NCOA1: variants seen among roughly 807,000 people sequenced by gnomAD.
The protein encoded by NCOA1 is nuclear receptor coactivator 1.
A neutral mutation model predicts 150.9 loss-of-function variants in NCOA1; 35 were observed. That is an observed-to-expected ratio of 0.23 (90% CI 0.18 to 0.31). NCOA1 has a LOEUF of 0.31. NCOA1 is among the 10% of genes least tolerant of loss of function. NCOA1 has a pLI of 1.00. For missense variants in NCOA1, 1,491 were observed against 1,749.3 expected (o/e 0.85, Z 2.63); for synonymous variants, 590 against 630.0 (o/e 0.94, Z 0.95).
chr2:24,586,229 T>C (rs998610360), intron 3 of NCOA1, among the ~76,000 whole-genome samples: 3 of 137,340 alleles, frequency 2.2e-5, no homozygotes, highest in Admixed American at 8.1e-5. Flanking sequence ...AGAGCCGATA[T>C]CGTGCCACTG....
intron 1 of NCOA1, among the ~76,000 whole-genome samples, chr2:24,557,136 T>G (rs1666103012): frequency 7.6e-6 from 1 of 130,730 alleles, no homozygotes; most frequent in Admixed American, 8.9e-5. Flanking sequence ...GCCTTCAGAC[T>G]TTGCTAAATG....
chr2:24,660,805 A>G (rs1280693388), intron 5 of NCOA1, among the ~76,000 whole-genome samples: 1 of 152,098 alleles, frequency 6.6e-6, no homozygotes, highest in Non-Finnish European at 1.5e-5. Context: ...CACTCCTGTA[A>G]TCCCAGCACT....
Position 24,757,981 on chromosome 2 carries a change from G to C in NCOA1, c.3890G>C (p.Ser1297Thr). The C allele has an allele frequency of 6.2e-7, 1 of 1,613,566 alleles. No homozygotes were observed. The highest frequency in any genetic ancestry group is 8.5e-7 in the Non-Finnish European group (1 of 1,179,748). The change falls in exon 21 of 23, where the codon AGT becomes ACT. Residue 1297 changes from serine to threonine, a missense_variant. By Grantham distance (58) the Ser-to-Thr change is moderately conservative. Coordinates refer to ENST00000348332, the MANE Select transcript of NCOA1 (RefSeq NM_003743.5). ...TGTTTTTGAGTTTACAGTGTGTTCAGTCAAGCTGTCCAGAACCAGCCCACG... is the reference window on the plus strand; with the variant it reads ...TGTTTTTGAGTTTACAGTGTGTTCACTCAAGCTGTCCAGAACCAGCCCACG... ...QGAIGNNNVFSQAVQNQPTPA... is the reference protein window; with the variant it reads ...QGAIGNNNVFTQAVQNQPTPA...
Position 24,579,618 on chromosome 2 carries a change from C to T in NCOA1, c.-259-4858C>T, listed in dbSNP as rs574623037. ...GCCTATAAGTCTGAATCATGTTTCC[C>T]TTAAGAGTTGTCACAGCTTAGTAAG... On this transcript the variant is annotated intron_variant, in intron 2 of 22. Coordinates refer to ENST00000348332, the MANE Select transcript of NCOA1 (RefSeq NM_003743.5). Among the ~76,000 whole-genome samples the T allele has an allele frequency of 3.3e-5, 5 of 152,250 alleles. No individual in the cohort carries two copies. The South Asian group carries it at 1.0e-3, about 32-fold the overall frequency.
At chr2:24,614,332 C>T (rs1429280772) in intron 3 of NCOA1, among the ~76,000 whole-genome samples, 2 of 149,500 alleles carry the variant, frequency 1.3e-5, no homozygotes, top group Admixed American at 6.7e-5. Context: ...ATCCTCCCAC[C>T]TCAACCTCCT....
Position 24,665,912 on chromosome 2 carries a change from C to A in NCOA1, c.253C>A (p.Gln85Lys). ...DQIQLMKRMEQEKSTTDDDVQ... is the reference protein window; with the variant it reads ...DQIQLMKRMEKEKSTTDDDVQ... ...GATACAGCTAATGAAGAGAATGGAA[C>A]AAGGTAAAAAAGAAAAAGAAAACCC... Residue 85 changes from glutamine to lysine, a missense_variant, in exon 6 of 23, where the codon CAA becomes AAA. This residue lies in a region of NCOA1 where 80 missense variants were observed against 163.0 expected (regional missense o/e 0.49). Coordinates refer to ENST00000348332, the MANE Select transcript of NCOA1 (RefSeq NM_003743.5). 1.4e-6 allele frequency: 2 copies of A among 1,454,694 alleles called. No individual in the cohort carries two copies. The highest frequency in any genetic ancestry group is 1.8e-6 in the Non-Finnish European group (2 of 1,098,622). The allele number at this position is 1,454,694 out of a possible 1,614,324, so 90.1% of individuals were successfully genotyped here. A position where few individuals can be genotyped will look rare whatever the true frequency, so the allele number is the denominator to read the frequency against.
chr2:24,558,542 G>A (rs1666171089), intron 1 of NCOA1, among the ~76,000 whole-genome samples: 1 of 152,228 alleles, frequency 6.6e-6, no homozygotes, highest in South Asian at 2.1e-4. Context: ...AATAGCACAG[G>A]AAAGACTGGC....
intron 19 of NCOA1, among the ~76,000 whole-genome samples, chr2:24,745,844 A>C (rs1663889395): frequency 6.6e-6 from 1 of 152,222 alleles, no homozygotes; most frequent in Non-Finnish European, 1.5e-5. Context: ...TCCGAGAAAC[A>C]GCACAGACCT....
At chr2:24,559,318 T>C (rs1382984855) in intron 1 of NCOA1, among the ~76,000 whole-genome samples, 10 of 152,114 alleles carry the variant, frequency 6.6e-5, no homozygotes, top group Admixed American at 6.5e-4. Flanking sequence ...CACCACAAGC[T>C]TCATATTTCT....
At position 24,566,417 on chromosome 2, in the gene NCOA1, G is replaced by GAGACC. The variant is rs1175951749; in HGVS notation, c.-260+1988_-260+1992dup. Among the ~76,000 whole-genome samples, 4 of 152,072 alleles carry GAGACC rather than the reference G, an allele frequency of 2.6e-5. No individual in the cohort carries two copies. The East Asian group carries it at 7.7e-4, about 29-fold the overall frequency. ...TGTGTGCTCAGCTTTCAGCAGAGAG[G>GAGACC]AGACCCTGGAGTGGGTAGCTCCTCT... On this transcript the variant is annotated intron_variant, in intron 2 of 22. Coordinates refer to ENST00000348332, the MANE Select transcript of NCOA1 (RefSeq NM_003743.5).
chr2:24,511,172 A>C (rs1474871634), intron 1 of NCOA1, among the ~76,000 whole-genome samples: 1 of 152,202 alleles, frequency 6.6e-6, no homozygotes, highest in Non-Finnish European at 1.5e-5. Context: ...AGCATGTATC[A>C]GTACTTGATT....
At chr2:24,751,064 T>G (rs1456641952) in intron 19 of NCOA1, among the ~76,000 whole-genome samples, 2 of 150,592 alleles carry the variant, frequency 1.3e-5, no homozygotes, top group African/African-American at 4.9e-5. Context: ...CTCGTCTCAC[T>G]GCAACCTCTG....
intron 2 of NCOA1, among the ~76,000 whole-genome samples, chr2:24,576,164 T>TTTTTTTA (rs1558806561): frequency 1.2e-5 from 1 of 85,094 alleles, no homozygotes; most frequent in African/African-American, 5.5e-5. Flanking sequence ...TTTTTTTTTG[T>TTTTTTTA]TTTTTGTTTT....
At chr2:24,643,303 C>G (rs1313217381) in intron 3 of NCOA1, among the ~76,000 whole-genome samples, 1 of 152,132 alleles carries the variant, frequency 6.6e-6, no homozygotes, top group African/African-American at 2.4e-5. Context: ...CCAGGAGAGT[C>G]TCATAAGTGT....
chr2:24,602,794 G>A (rs964730984), intron 3 of NCOA1, among the ~76,000 whole-genome samples: 3 of 152,106 alleles, frequency 2.0e-5, no homozygotes, highest in Non-Finnish European at 4.4e-5. Context: ...ACTAAGCAGT[G>A]TCATGTACAT....
chr2:24,722,541 T>C (rs1039732457), intron 14 of NCOA1, among the ~76,000 whole-genome samples: 5 of 152,172 alleles, frequency 3.3e-5, no homozygotes, highest in Non-Finnish European at 5.9e-5. Context: ...AGGAAACTTA[T>C]TTTCTTGAAG....
chr2:24,610,300 T>C (rs1478808435), intron 3 of NCOA1, among the ~76,000 whole-genome samples: 1 of 151,616 alleles, frequency 6.6e-6, no homozygotes, highest in Admixed American at 6.6e-5. Flanking sequence ...ATTTTTTGTA[T>C]TTTTTCTTTT....
intron 1 of NCOA1, among the ~76,000 whole-genome samples, chr2:24,505,506 G>A (rs1372933756): frequency 2.0e-5 from 3 of 152,120 alleles, no homozygotes; most frequent in African/African-American, 7.2e-5. Context: ...ATTAAATAAT[G>A]AACCATATAA....
At chr2:24,542,858 C>T (rs754669230) in intron 1 of NCOA1, among the ~76,000 whole-genome samples, 17 of 152,154 alleles carry the variant, frequency 1.1e-4, no homozygotes, top group Non-Finnish European at 2.4e-4. Context: ...CTTGATTTAA[C>T]AGATTAATAT....
Sources: gnomAD v4.1 joint callset for allele counts (sites outside exome capture counted in the v4.1 genomes callset) on GRCh38, gnomAD v4.1.1 for gene constraint, gnomAD v4.1.1 regional missense constraint, MANE v1.5 for transcripts, NCBI Gene and HGNC (gene_info 2026-07-23, HGNC 2026-07-21) for gene names.